The following RPS6KA2 variants were observed in gnomAD, a reference collection of about 807,000 sequenced individuals.
RPS6KA2 encodes ribosomal protein S6 kinase alpha-2.
RPS6KA2 carries 42 observed loss-of-function variants against 91.8 expected under a neutral mutation model. The observed-to-expected ratio is 0.46, with a 90% CI of 0.36 to 0.59. The LOEUF (loss-of-function observed/expected upper bound fraction) is 0.59, where lower values mean the gene tolerates loss of function less well. RPS6KA2 is among the 20% of genes least tolerant of loss of function. RPS6KA2 has a pLI of 0.00. For synonymous variants in RPS6KA2, 414 were observed against 393.6 expected, an observed-to-expected ratio of 1.05 and a Z score of -0.61; for missense variants, 798 against 978.5, an observed-to-expected ratio of 0.82 and a Z score of 2.46.
At chr6:166,748,118 A>G (rs1049002258) in intron 2 of RPS6KA2, among the ~76,000 whole-genome samples, 2 of 152,180 alleles carry the variant, frequency 1.3e-5, no homozygotes, top group African/African-American at 2.4e-5. Flanking sequence ...TCACTTTTGT[A>G]TAGACTCTGT....
intron 2 of RPS6KA2, among the ~76,000 whole-genome samples, chr6:166,716,611 T>G (rs1322595190): frequency 6.6e-6 from 1 of 152,206 alleles, no homozygotes; most frequent in Admixed American, 6.5e-5. Context: ...CGGCTGCATA[T>G]GTAAGAGGTT....
At chr6:166,694,981 C>A (rs1789316656) in intron 2 of RPS6KA2, among the ~76,000 whole-genome samples, 2 of 152,146 alleles carry the variant, frequency 1.3e-5, no homozygotes, top group African/African-American at 2.4e-5. Context: ...AGATATTAAT[C>A]ACTTAGGCTA....
rs1785831344 is a variant in RPS6KA2 at position 166,603,616 on chromosome 6, A to C, written c.99+23305T>G. Reference sequence around the variant, plus strand: ...GTCATGGGAGGGGACATGACAGAAGATGCTTCCACCTGGGCAACACCTGTC... The same window carrying C: ...GTCATGGGAGGGGACATGACAGAAGCTGCTTCCACCTGGGCAACACCTGTC... On this transcript the variant is annotated intron_variant, in intron 1 of 20. Coordinates refer to ENST00000265678, the MANE Select transcript of RPS6KA2 (RefSeq NM_021135.6). The surrounding 1 kb of genome is among the most constrained non-coding windows in gnomAD (Gnocchi z 4.3). Among the ~76,000 whole-genome samples the C allele has an allele frequency of 6.6e-6, 1 of 152,138 alleles. No individual in the cohort carries two copies. Among genetic ancestry groups the C allele is most frequent in the South Asian group, 2.1e-4 (1 of 4,826 alleles).
intron 10 of RPS6KA2, among the ~76,000 whole-genome samples, chr6:166,474,515 A>G (rs1780891736): frequency 6.6e-6 from 1 of 152,200 alleles, no homozygotes; most frequent in African/African-American, 2.4e-5. Flanking sequence ...GAAGCTACAG[A>G]TGCTCATTAG....
At chr6:166,574,823 C>T (rs1485990888) in intron 1 of RPS6KA2, among the ~76,000 whole-genome samples, 3 of 151,964 alleles carry the variant, frequency 2.0e-5, no homozygotes, top group South Asian at 2.1e-4. Flanking sequence ...GCTTGAAAAG[C>T]GGGACTTTCT....
intron 2 of RPS6KA2, among the ~76,000 whole-genome samples, chr6:166,772,353 G>A (rs899911898): frequency 2.0e-5 from 3 of 152,104 alleles, no homozygotes; most frequent in East Asian, 1.9e-4. Flanking sequence ...CTAAGTCTGG[G>A]GTTTGTGCTT....
intron 20 of RPS6KA2, among the ~76,000 whole-genome samples, chr6:166,413,192 ATCC>A (rs1183537507): frequency 6.6e-6 from 1 of 151,624 alleles, no homozygotes; most frequent in Non-Finnish European, 1.5e-5. Flanking sequence ...AGGTCACGTG[ATCC>A]CCTGCATTCT....
At chr6:166,450,719 ACACCATGGGGACCACCACAGGACAC>A (rs373483572) in intron 13 of RPS6KA2, among the ~76,000 whole-genome samples, 2,258 of 136,892 alleles carry the variant, frequency 0.016, no homozygotes, top group East Asian at 0.1. Flanking sequence ...ACCCCAGGGA[ACACCATGGGGACCACCACAGGACAC>A]CACCATGGGG....
chr6:166,710,847 G>T (rs1789825535), intron 2 of RPS6KA2, among the ~76,000 whole-genome samples: 1 of 152,036 alleles, frequency 6.6e-6, no homozygotes, highest in African/African-American at 2.4e-5. Flanking sequence ...AAATAAATCA[G>T]CAACCCAGGA....
chr6:166,415,350 C>A (rs974777564), intron 19 of RPS6KA2, among the ~76,000 whole-genome samples: 1 of 152,114 alleles, frequency 6.6e-6, no homozygotes, highest in African/African-American at 2.4e-5. Flanking sequence ...CTGAGAGAAG[C>A]AGTATTTTTA....
chr6:166,513,260 G>A (rs1185062911), intron 3 of RPS6KA2, among the ~76,000 whole-genome samples: 1 of 152,124 alleles, frequency 6.6e-6, no homozygotes, highest in Admixed American at 6.5e-5. Flanking sequence ...GGGCAGAGCT[G>A]GGGGATACTA....
At chr6:166,790,407 G>A (rs185256916) in intron 2 of RPS6KA2, among the ~76,000 whole-genome samples, 67 of 152,332 alleles carry the variant, frequency 4.4e-4, no homozygotes, top group African/African-American at 1.5e-3. Flanking sequence ...TGAAAGTGAT[G>A]GGGAGAATGG....
At chr6:166,477,262 A>C (rs1731434865) in intron 10 of RPS6KA2, among the ~76,000 whole-genome samples, 1 of 151,996 alleles carries the variant, frequency 6.6e-6, no homozygotes, top group Non-Finnish European at 1.5e-5. Context: ...ATGATAACTC[A>C]CTTAGACACG....
In RPS6KA2 at chr6:166,850,951, ATTG is replaced by A. The variant is rs573255152; in HGVS notation, c.123+7246_123+7248del. ...AGCCAAAAATAAAAAATCTGCCCCC[ATTG>A]TTGAGTACACTGTGGGAAATCAAGG... On this transcript the variant is annotated intron_variant, in intron 2 of 21. Coordinates refer to the RPS6KA2 transcript ENST00000503859. 6.6e-4 allele frequency among the ~76,000 whole-genome samples: 101 copies of A among 152,290 alleles called. 1 individual carries two copies. The highest frequency in any genetic ancestry group is 1.1e-3 in the Non-Finnish European group (73 of 68,020).
At position 166,423,327 on chromosome 6, in the gene RPS6KA2, C is replaced by A; in HGVS notation, c.1672G>T (p.Ala558Ser). 6.2e-7 allele frequency: 1 copy of A among 1,614,142 alleles called. No homozygotes were observed. Among genetic ancestry groups the A allele is most frequent in the Non-Finnish European group, 8.5e-7 (1 of 1,180,004 alleles). ...ESIRVCDFGF[A>S]KQLRAGNGLL... is the part of the protein sequence containing the mutation. ...CCGTTCCCCGCGCGCAGCTGCTTGG[C>A]AAAGCCGAAGTCGCAGACTCGGATG... The change falls in exon 17 of 21, where the codon GCC (alanine) becomes TCC (serine). Residue 558 changes from alanine to serine, a missense_variant. Coordinates refer to ENST00000265678, the MANE Select transcript of RPS6KA2 (RefSeq NM_021135.6). This position sits in a 1 kb window ranked among gnomAD's most constrained non-coding sequence, Gnocchi z 4.8.
At chr6:166,474,003 C>T (rs1449382294) in intron 10 of RPS6KA2, among the ~76,000 whole-genome samples, 2 of 124,796 alleles carry the variant, frequency 1.6e-5, no homozygotes, top group African/African-American at 6.1e-5. Flanking sequence ...CACCCTTTGT[C>T]AGGGAGTCGC....
intron 2 of RPS6KA2, among the ~76,000 whole-genome samples, chr6:166,794,700 T>C (rs982971987): frequency 3.8e-4 from 57 of 151,738 alleles, no homozygotes; most frequent in African/African-American, 1.2e-3. Context: ...TTCATGTCCT[T>C]TGTAGGGACA....
intron 1 of RPS6KA2, among the ~76,000 whole-genome samples, chr6:166,562,592 CCTA>C (rs1423375049): frequency 1.3e-5 from 2 of 152,214 alleles, no homozygotes; most frequent in Non-Finnish European, 2.9e-5. Context: ...GTCCTAAGCA[CCTA>C]CTAAGAGCCC....
intron 2 of RPS6KA2, among the ~76,000 whole-genome samples, chr6:166,730,855 T>C (rs1414072715): frequency 1.3e-5 from 2 of 152,168 alleles, no homozygotes; most frequent in African/African-American, 4.8e-5. Context: ...CTATGAAGAA[T>C]CTGTAGTATC....
Sources: allele counts gnomAD v4.1 joint callset (sites outside exome capture counted in the v4.1 genomes callset), GRCh38; gene constraint gnomAD v4.1.1; non-coding constraint Gnocchi (gnomAD v3.1); transcripts MANE v1.5; gene names NCBI Gene and HGNC (gene_info 2026-07-23, HGNC 2026-07-21).